Variants in TAAR1 observed in about 807,000 individuals in gnomAD.
TAAR1 encodes trace amine-associated receptor 1.
Under a neutral mutation model 1.2 loss-of-function variants are expected in TAAR1, and 1 was observed. The observed-to-expected ratio is 0.81, with a 90% CI of 0.29 to 3.86. TAAR1 has a LOEUF of 3.86. Ranked by LOEUF, TAAR1 falls within the 30% of genes most tolerant of loss-of-function variation. The pLI is 0.18. For synonymous variants in TAAR1, 153 were observed against 132.2 expected, an observed-to-expected ratio of 1.16 and a Z score of -1.08; for missense variants, 445 against 405.6, an observed-to-expected ratio of 1.10 and a Z score of -0.83.
At chr6:132,649,943 G>A (rs942784328) in intron 1 of TAAR1, among the ~76,000 whole-genome samples, 19 of 152,142 alleles carry the variant, frequency 1.2e-4, no homozygotes, top group East Asian at 5.8e-4. Flanking sequence ...GTCACTGTCC[G>A]TAACGCTACT....
chr6:132,645,179 A>C lies in TAAR1; in HGVS notation c.825T>G (p.Pro275=), dbSNP rs1419483317. The change falls in exon 2 of 2, where the codon CCT becomes CCG. Residue 275 remains proline, a synonymous_variant. Transcript: ENST00000275216. ...TAGGTGGAATAATGTAGTGAAGAAA[A>C]GGGTCCATGACTGTACAGATAAAGA... The part of the protein sequence containing the change: ...CPFFICTVMD[P]FLHYIIPPTL... 2.5e-6 allele frequency: 4 copies of C among 1,611,970 alleles called. No individual in the cohort carries two copies. Among genetic ancestry groups the C allele is most frequent in the Non-Finnish European group, 3.4e-6 (4 of 1,179,386 alleles).
At position 132,645,006 on chromosome 6, in the gene TAAR1, A is replaced by G; in HGVS notation, c.998T>C (p.Leu333Ser). 5.1e-6 allele frequency: 8 copies of G among 1,566,190 alleles called. No homozygotes were observed. The highest frequency in any genetic ancestry group is 6.9e-6 in the Non-Finnish European group (8 of 1,164,776). The stretch of plus-strand genomic sequence containing the variant: ...ATTCTATGAACTCAATTCCAAAAAT[A>G]ATTTACACCTGGATGAATCTTTTTG... ...IFQKDSSRCK[L>S]FLELSS is the part of the protein sequence containing the mutation. Residue 333 changes from leucine to serine, a missense_variant, in exon 2 of 2, where the codon TTA (leucine) becomes TCA (serine). Leu to Ser is a moderately radical substitution (Grantham distance 145, BLOSUM62 -2). Coordinates refer to ENST00000275216, the MANE Select transcript of TAAR1 (RefSeq NM_138327.4).
rs889801596 is a variant in TAAR1 at position 132,644,287 on chromosome 6, G to T, written c.*697C>A. Among the ~76,000 whole-genome samples, 5 of 151,722 alleles carry T rather than the reference G, an allele frequency of 3.3e-5. No individual in the cohort carries two copies. Among genetic ancestry groups the T allele is most frequent in the Admixed American group, 3.3e-4 (5 of 15,216 alleles). Reference sequence around the variant, plus strand: ...CGACTCCAAAATAAAAGTTGAAAAAGAGAAATATTAATATAAAATAAAGAA... The same window carrying T: ...CGACTCCAAAATAAAAGTTGAAAAATAGAAATATTAATATAAAATAAAGAA... On this transcript the variant is annotated 3_prime_UTR_variant, in exon 2 of 2. Coordinates refer to ENST00000275216, the MANE Select transcript of TAAR1 (RefSeq NM_138327.4).
Position 132,645,559 on chromosome 6 carries a change from T to G in TAAR1, c.445A>C (p.Ser149Arg). 6.2e-7 allele frequency: 1 copy of G among 1,613,656 alleles called. No individual in the cohort carries two copies. The highest frequency in any genetic ancestry group is 1.1e-5 in the South Asian group (1 of 91,074). Residue 149 changes from serine (S) to arginine (R), a missense_variant, in exon 2 of 2, where the codon AGT (serine) becomes CGT (arginine). Transcript: ENST00000275216. ...VICVMIFISW[S>R]VPAVFAFGMI... ...CCAAATGCAAAAACAGCAGGGACAC[T>G]CCAACTAATGAAGATCATCACACAA...
rs753688556 is a variant in TAAR1 at position 132,643,418 on chromosome 6, A to G, written c.*1566T>C. On this transcript the variant is annotated 3_prime_UTR_variant, in exon 2 of 2. Coordinates refer to ENST00000275216, the MANE Select transcript of TAAR1 (RefSeq NM_138327.4). The stretch of plus-strand genomic sequence containing the variant: ...TGAAAAAAACTCTTTTGAAACTGAG[A>G]GTGATTAGGGACACTACTTATTTAG... Among the ~76,000 whole-genome samples, 5 of 152,052 alleles carry G rather than the reference A, an allele frequency of 3.3e-5. No homozygotes were observed. The highest frequency in any genetic ancestry group is 5.9e-5 in the Non-Finnish European group (4 of 67,942).
rs759197278 is a variant in TAAR1 at position 132,645,914 on chromosome 6, C to G, written c.90G>C (p.Met30Ile). 5 of 1,613,624 alleles carry G rather than the reference C, an allele frequency of 3.1e-6. No individual in the cohort carries two copies. ...CGAGTGTGGTCAGAATTATGAGCAC[C>G]ATTAAACTGTACAGGGAAGCACGGA... Reference protein sequence around the residue: ...NDVRASLYSLMVLIILTTLVG... With the variant: ...NDVRASLYSLIVLIILTTLVG... The change falls in exon 2 of 2, where the codon ATG becomes ATC. Residue 30 changes from methionine to isoleucine, a missense_variant. Transcript: ENST00000275216.
At chr6:132,655,879 T>C (rs977078312) in intron 1 of TAAR1, among the ~76,000 whole-genome samples, 1 of 152,154 alleles carries the variant, frequency 6.6e-6, no homozygotes, top group Admixed American at 6.5e-5. Context: ...TAGCCTTGAT[T>C]GTCGGTTTAG....
At chr6:132,653,169 C>T (rs917597366) in intron 1 of TAAR1, among the ~76,000 whole-genome samples, 3 of 152,108 alleles carry the variant, frequency 2.0e-5, no homozygotes, top group Non-Finnish European at 4.4e-5. Context: ...TCTGCTCCTT[C>T]CCCCAAGGAA....
At chr6:132,654,727 C>G (rs78454426) in intron 1 of TAAR1, among the ~76,000 whole-genome samples, 21,150 of 152,086 alleles carry the variant, frequency 0.14, 1,609 homozygotes, top group Middle Eastern at 0.16. Context: ...TAATAATACT[C>G]TTAAGGTAAT....
At chr6:132,657,154 T>C (rs1430758615) in intron 1 of TAAR1, among the ~76,000 whole-genome samples, 1 of 152,142 alleles carries the variant, frequency 6.6e-6, no homozygotes, top group Non-Finnish European at 1.5e-5. Flanking sequence ...TCTAACTATC[T>C]TAATAACACC....
chr6:132,646,290 C>T (rs1162988499), intron 1 of TAAR1, among the ~76,000 whole-genome samples, 161 bp from the exon 2 acceptor site: 1 of 152,086 alleles, frequency 6.6e-6, no homozygotes, highest in Non-Finnish European at 1.5e-5. Flanking sequence ...AAAACTTTTA[C>T]CTGGAGCTGG....
At chr6:132,656,023 G>A (rs1464097944) in intron 1 of TAAR1, among the ~76,000 whole-genome samples, 1 of 152,144 alleles carries the variant, frequency 6.6e-6, no homozygotes, top group Non-Finnish European at 1.5e-5. Flanking sequence ...TTGCCCTTGT[G>A]AGGTTGGAGC....
At chr6:132,653,547 G>A (rs540733320) in intron 1 of TAAR1, among the ~76,000 whole-genome samples, 2 of 152,278 alleles carry the variant, frequency 1.3e-5, no homozygotes, top group South Asian at 4.1e-4. Flanking sequence ...TGCTAAATTG[G>A]AGACAGAGAC....
chr6:132,656,735 T>G (rs1777808025), intron 1 of TAAR1, among the ~76,000 whole-genome samples: 1 of 152,100 alleles, frequency 6.6e-6, no homozygotes, highest in African/African-American at 2.4e-5. Context: ...AGGAAAGAAG[T>G]TCAGGCTAGC....
intron 1 of TAAR1, among the ~76,000 whole-genome samples, chr6:132,650,419 T>C (rs998888615): frequency 2.6e-5 from 4 of 152,216 alleles, no homozygotes; most frequent in South Asian, 2.1e-4. Flanking sequence ...GAATGTGGCA[T>C]AGAAAAACAC....
At chr6:132,650,779 C>G (rs181497542) in intron 1 of TAAR1, among the ~76,000 whole-genome samples, 19 of 152,292 alleles carry the variant, frequency 1.2e-4, no homozygotes, top group Non-Finnish European at 2.8e-4. Context: ...TATGCCTATT[C>G]CAAGATATAC....
At chr6:132,653,122 T>G (rs1191474527) in intron 1 of TAAR1, among the ~76,000 whole-genome samples, 1 of 152,128 alleles carries the variant, frequency 6.6e-6, no homozygotes. Context: ...GAAAATCACC[T>G]GAGCTCCAAA....
At chr6:132,646,451 G>T (rs72989649) in intron 1 of TAAR1, among the ~76,000 whole-genome samples, 9,458 of 152,122 alleles carry the variant, frequency 0.062, 335 homozygotes, top group East Asian at 0.11. Context: ...TCTAGTGGGG[G>T]AGACTTACAT....
intron 1 of TAAR1, among the ~76,000 whole-genome samples, chr6:132,651,482 ACT>A (rs1424598284): frequency 6.6e-6 from 1 of 151,854 alleles, no homozygotes; most frequent in Non-Finnish European, 1.5e-5. Context: ...GAACATGACA[ACT>A]CTATTCTTGA....
Sources: gnomAD v4.1 joint callset for allele counts (sites outside exome capture counted in the v4.1 genomes callset) on GRCh38, gnomAD v4.1.1 for gene constraint, MANE v1.5 for transcripts, NCBI Gene and HGNC (gene_info 2026-07-23, HGNC 2026-07-21) for gene names.